Variants in KANK1 observed in about 807,000 individuals in gnomAD.
The protein encoded by KANK1 is KN motif and ankyrin repeat domains 1.
In KANK1, 109 loss-of-function variants were observed where a neutral mutation model predicts 106.2. That is an observed-to-expected ratio of 1.03 (90% CI 0.88 to 1.20). The LOEUF (loss-of-function observed/expected upper bound fraction) is 1.20, where lower values mean the gene tolerates loss of function less well. Ranked by LOEUF, KANK1 falls within the 50% of genes most tolerant of loss-of-function variation. The pLI is 0.00. For missense variants in KANK1, 2,399 were observed against 1,710.7 expected (o/e 1.40, Z -7.10); for synonymous variants, 873 against 652.2 (o/e 1.34, Z -5.16).
chr9:530,662 A>G (rs1035593291), intron 1 of KANK1, among the ~76,000 whole-genome samples: 9 of 152,126 alleles, frequency 5.9e-5, no homozygotes, highest in African/African-American at 2.2e-4. Flanking sequence ...TTTATTGTTG[A>G]TGTTAATTGT....
chr9:573,528 C>G (rs960309246), intron 1 of KANK1, among the ~76,000 whole-genome samples: 8 of 152,066 alleles, frequency 5.3e-5, no homozygotes, highest in Non-Finnish European at 1.0e-4. Context: ...CCTCGGCCTC[C>G]CAAAGTGCTG....
chr9:528,741 G>T (rs765332117), intron 1 of KANK1, among the ~76,000 whole-genome samples: 11 of 151,958 alleles, frequency 7.2e-5, no homozygotes, highest in Non-Finnish European at 1.0e-4. Flanking sequence ...AGCCGCCTCG[G>T]CCTCCCAAAG....
chr9:609,921 C>T (rs1388035690), intron 1 of KANK1, among the ~76,000 whole-genome samples: 1 of 152,028 alleles, frequency 6.6e-6, no homozygotes, highest in Admixed American at 6.6e-5. Flanking sequence ...TTTTATCTTT[C>T]TTATACATAT....
chr9:636,974 G>T (rs1190147775), intron 1 of KANK1, among the ~76,000 whole-genome samples: 1 of 152,190 alleles, frequency 6.6e-6, no homozygotes, highest in African/African-American at 2.4e-5. Flanking sequence ...CAGTCCTTCT[G>T]TAGTCCCCTA....
chr9:575,558 C>T (rs897883109), intron 1 of KANK1, among the ~76,000 whole-genome samples: 13 of 150,252 alleles, frequency 8.7e-5, no homozygotes, highest in Non-Finnish European at 1.9e-4. Flanking sequence ...TGTGTTCCAG[C>T]TGCTCAGGAG....
At chr9:707,476 ACAG>A (rs1824693313) in intron 2 of KANK1, among the ~76,000 whole-genome samples, 1 of 151,684 alleles carries the variant, frequency 6.6e-6, no homozygotes, top group Admixed American at 6.6e-5. Flanking sequence ...GGAGTTTCAG[ACAG>A]TCCTGGAGAC....
chr9:600,129 C>T (rs868359849), intron 1 of KANK1, among the ~76,000 whole-genome samples: 5 of 151,504 alleles, frequency 3.3e-5, no homozygotes, highest in Admixed American at 2.0e-4. Context: ...CACATTATTG[C>T]GCAACCAGTC....
intron 1 of KANK1, among the ~76,000 whole-genome samples, chr9:550,562 G>A (rs754309679): frequency 1.2e-4 from 18 of 152,244 alleles, no homozygotes; most frequent in Non-Finnish European, 1.9e-4. Flanking sequence ...ATGAGTTATC[G>A]CGCCACTGCA....
intron 1 of KANK1, among the ~76,000 whole-genome samples, chr9:640,295 G>A (rs1838115495): frequency 6.6e-6 from 1 of 152,062 alleles, no homozygotes; most frequent in African/African-American, 2.4e-5. Flanking sequence ...GGGCTGGAGT[G>A]TGTGATCTCG....
intron 3 of KANK1, among the ~76,000 whole-genome samples, chr9:722,106 A>C (rs990947606): frequency 1.3e-5 from 2 of 152,210 alleles, no homozygotes; most frequent in African/African-American, 4.8e-5. Context: ...GTTCATTCCT[A>C]GGCACAGGCC....
intron 3 of KANK1, among the ~76,000 whole-genome samples, chr9:494,114 C>T (rs796874492): frequency 6.6e-6 from 1 of 151,952 alleles, no homozygotes; most frequent in African/African-American, 2.4e-5. Flanking sequence ...AACTCCTGAC[C>T]TCGTGATCCG....
At chr9:492,216 G>A (rs544429391) in intron 3 of KANK1, 1 of 152,178 alleles carries the variant, frequency 6.6e-6, no homozygotes, top group East Asian at 1.9e-4. Context: ...CTAACTTCCA[G>A]TTTTGAGTCT....
At chr9:687,183 A>G (rs147786854) in intron 2 of KANK1, among the ~76,000 whole-genome samples, 76 of 152,278 alleles carry the variant, frequency 5.0e-4, no homozygotes, top group African/African-American at 1.7e-3. Flanking sequence ...TGTATTTGGC[A>G]GAATACATCT....
At chr9:472,769 A>G (rs538172123) in intron 2 of KANK1, among the ~76,000 whole-genome samples, 3 of 152,304 alleles carry the variant, frequency 2.0e-5, no homozygotes, top group South Asian at 2.1e-4. Context: ...GGCGGTGACA[A>G]CAGAGCCCTA....
chr9:712,318 G>T lies in KANK1; in HGVS notation c.1552G>T (p.Ala518Ser). Residue 518 changes from alanine (A) to serine (S), a missense_variant, in exon 3 of 12, where the codon GCA becomes TCA. Ala to Ser is a moderately conservative substitution (Grantham distance 99, BLOSUM62 1). Coordinates refer to ENST00000382297, the MANE Select transcript of KANK1 (RefSeq NM_015158.5). ...GCTTGTTTTCAGTAAGGTGGTGGAG[G>T]CAGTGGTGCAGACCAGAGACCAAAT... ...QPLVFSKVVE[A>S]VVQTRDQMVG... 1 of 1,614,234 alleles carries T rather than the reference G, an allele frequency of 6.2e-7. No individual in the cohort carries two copies. Among genetic ancestry groups the T allele is most frequent in the Non-Finnish European group, 8.5e-7 (1 of 1,180,044 alleles).
rs116824731 is a variant in KANK1, at chr9:687,230, G to A, written c.37+10221G>A. ...CTTCTTTGTGTAATGGACCAGCCCC[G>A]AGGCTGCGAGCATTGGTCCTTCTTT... On this transcript the variant is annotated intron_variant, in intron 2 of 11. Transcript: ENST00000382297. Among the ~76,000 whole-genome samples, 253 of 152,166 alleles carry A rather than the reference G, an allele frequency of 1.7e-3. 3 individuals are homozygous for A. The highest frequency in any genetic ancestry group is 5.5e-3 in the African/African-American group (228 of 41,512).
intron 1 of KANK1, among the ~76,000 whole-genome samples, chr9:625,960 C>T (rs917083949): frequency 6.6e-6 from 1 of 152,076 alleles, no homozygotes; most frequent in African/African-American, 2.4e-5. Flanking sequence ...TTCAGAAACT[C>T]CCCTGCACTC....
intron 4 of KANK1, chr9:730,605 A>G (rs1016443824): frequency 3.3e-6 from 1 of 304,902 alleles, no homozygotes; most frequent in South Asian, 3.0e-5. Flanking sequence ...AGGTGGGAGA[A>G]TCACTTGAAC....
intron 2 of KANK1, 97 bp downstream of exon 2, chr9:677,106 C>G (rs1268629182): frequency 1.8e-6 from 2 of 1,100,802 alleles, no homozygotes; most frequent in East Asian, 2.5e-5. Flanking sequence ...AGCAAGTTGC[C>G]TAGATAACTA....
Sources: gnomAD v4.1 joint callset for allele counts (sites outside exome capture counted in the v4.1 genomes callset) on GRCh38, gnomAD v4.1.1 for gene constraint, MANE v1.5 for transcripts, NCBI Gene and HGNC (gene_info 2026-07-23, HGNC 2026-07-21) for gene names.